Variants in CYP20A1 observed in about 807,000 individuals in gnomAD.
The protein encoded by CYP20A1 is cytochrome P450 family 20 subfamily A member 1, also known as cytochrome P450 20A1.
A neutral mutation model predicts 61.4 loss-of-function variants in CYP20A1; 61 were observed. That is an observed-to-expected ratio of 0.99 (90% CI 0.81 to 1.23). The LOEUF is 1.23. CYP20A1 is among the 50% of genes most tolerant of loss of function. The probability of loss-of-function intolerance (pLI) is 0.00; values close to 1 mark genes in which losing one functional copy is unlikely to be tolerated. For missense variants in CYP20A1, 530 were observed against 542.4 expected (o/e 0.98, Z 0.23); for synonymous variants, 193 against 188.2 (o/e 1.03, Z -0.21).
chr2:203,296,991 A>G lies in CYP20A1; in HGVS notation c.*83A>G. 1.3e-6 allele frequency: 1 copy of G among 784,012 alleles called. No individual in the cohort carries two copies. Among genetic ancestry groups the G allele is most frequent in the South Asian group, 2.0e-5 (1 of 49,768 alleles). The allele number at this position is 784,012 out of a possible 1,614,324, so 48.6% of individuals were successfully genotyped here. The stretch of plus-strand genomic sequence containing the variant: ...AAATCTATGTTGAATCCTTTTATAA[A>G]CCAGTATCACTTTGTAATATAAACA... On this transcript the variant is annotated 3_prime_UTR_variant, in exon 13 of 13. Transcript: ENST00000356079.
chr2:203,272,463 G>A (rs1052630431), intron 5 of CYP20A1, among the ~76,000 whole-genome samples: 3 of 149,706 alleles, frequency 2.0e-5, no homozygotes, highest in South Asian at 2.1e-4. Context: ...AATGGCTTGA[G>A]CCTGGGAGGT....
chr2:203,243,697 T>C (rs1327930211), intron 1 of CYP20A1, among the ~76,000 whole-genome samples: 1 of 145,978 alleles, frequency 6.9e-6, no homozygotes, highest in African/African-American at 2.5e-5. Flanking sequence ...TTTTTTTTTT[T>C]TTTTTTTTTT....
chr2:203,262,746 T>C (rs2067183777), intron 4 of CYP20A1, among the ~76,000 whole-genome samples: 1 of 151,672 alleles, frequency 6.6e-6, no homozygotes. Flanking sequence ...TGGAGTGCAC[T>C]GGCGCGATCT....
At chr2:203,255,600 A>G (rs2066864272) in intron 4 of CYP20A1, among the ~76,000 whole-genome samples, 1 of 152,224 alleles carries the variant, frequency 6.6e-6, no homozygotes. Flanking sequence ...TTCCATGAAC[A>G]GACCCTTTGG....
intron 1 of CYP20A1, among the ~76,000 whole-genome samples, chr2:203,242,809 G>A (rs1054674232): frequency 6.6e-6 from 1 of 151,440 alleles, no homozygotes; most frequent in Admixed American, 6.6e-5. Context: ...AAAAAGCTTA[G>A]GTTGCATGGT....
intron 4 of CYP20A1, among the ~76,000 whole-genome samples, chr2:203,261,007 G>A (rs1575198356): frequency 6.6e-6 from 1 of 150,976 alleles, no homozygotes; most frequent in Non-Finnish European, 1.5e-5. Context: ...GTTTCCAGAG[G>A]TCTTTATCTG....
At chr2:203,245,726 A>G in intron 1 of CYP20A1, 120 bp from the exon 2 acceptor site, 1 of 527,248 alleles carries the variant, frequency 1.9e-6, no homozygotes, top group South Asian at 3.5e-5. Flanking sequence ...TATGGAAATA[A>G]TTTCTTAGAT....
intron 8 of CYP20A1, among the ~76,000 whole-genome samples, chr2:203,280,849 T>G (rs2068015935): frequency 6.6e-6 from 1 of 152,220 alleles, no homozygotes; most frequent in Non-Finnish European, 1.5e-5. Flanking sequence ...TGCCATAAAT[T>G]TCTTGACACA....
rs992107455 is a variant in CYP20A1, at chr2:203,304,772, C to CA, written c.*7870dup. ...GCAACATGGCGAAACTGCATCTCTA[C>CA]AAAAAATACAAAAATTAGCCAGGTG... On this transcript the variant is annotated 3_prime_UTR_variant, in exon 13 of 13. Coordinates refer to ENST00000356079, the MANE Select transcript of CYP20A1 (RefSeq NM_177538.3). Among the ~76,000 whole-genome samples, 3 of 151,968 alleles carry CA rather than the reference C, an allele frequency of 2.0e-5. No individual in the cohort carries two copies. The highest frequency in any genetic ancestry group is 1.3e-4 in the Admixed American group (2 of 15,230).
At chr2:203,281,041 A>C (rs2068021891) in intron 8 of CYP20A1, among the ~76,000 whole-genome samples, 1 of 151,992 alleles carries the variant, frequency 6.6e-6, no homozygotes, top group South Asian at 2.1e-4. Context: ...ATTTAAAAGA[A>C]CTCCTCTCGT....
intron 6 of CYP20A1, among the ~76,000 whole-genome samples, chr2:203,275,181 A>G (rs2067763970): frequency 6.6e-6 from 1 of 152,200 alleles, no homozygotes; most frequent in Admixed American, 6.6e-5. Context: ...TATTTTTGTA[A>G]AGGCTCTCCA....
intron 11 of CYP20A1, among the ~76,000 whole-genome samples, chr2:203,294,520 CA>C (rs1331867923): frequency 6.6e-6 from 1 of 151,036 alleles, no homozygotes; most frequent in Non-Finnish European, 1.5e-5. Flanking sequence ...AACTCCATCT[CA>C]AAAAAATAAA....
chr2:203,272,602 C>G, intron 5 of CYP20A1, 68 bp from the exon 6 acceptor site: 1 of 524,724 alleles, frequency 1.9e-6, no homozygotes, highest in South Asian at 2.4e-5. Flanking sequence ...CATTAGGTTA[C>G]ATTGCTCTGT....
At chr2:203,261,239 G>T (rs1479332896) in intron 4 of CYP20A1, among the ~76,000 whole-genome samples, 2 of 151,378 alleles carry the variant, frequency 1.3e-5, no homozygotes, top group African/African-American at 4.9e-5. Context: ...TATAATAGGG[G>T]CTACTCTAAG....
At chr2:203,253,777 T>TA (rs1342657850) in intron 4 of CYP20A1, among the ~76,000 whole-genome samples, 2 of 151,830 alleles carry the variant, frequency 1.3e-5, no homozygotes, top group South Asian at 4.1e-4. Flanking sequence ...GGAGTAACAG[T>TA]AAAAAAATTT....
rs1266541657 is a variant in CYP20A1, at chr2:203,305,128, C to T, written c.*8220C>T. ...TTTTTTAAGACATTCAGGCTATAAACAAGGTAATAAATCACACTCTTCCAG... is the reference window on the plus strand; with the variant it reads ...TTTTTTAAGACATTCAGGCTATAAATAAGGTAATAAATCACACTCTTCCAG... On this transcript the variant is annotated 3_prime_UTR_variant, in exon 13 of 13. Coordinates refer to ENST00000356079, the MANE Select transcript of CYP20A1 (RefSeq NM_177538.3). Among the ~76,000 whole-genome samples, 2 of 148,066 alleles carry T rather than the reference C, an allele frequency of 1.4e-5. No homozygotes were observed. Among genetic ancestry groups the T allele is most frequent in the African/African-American group, 2.5e-5 (1 of 40,368 alleles).
At position 203,300,048 on chromosome 2, in the gene CYP20A1, G is replaced by C. The variant is rs553631318; in HGVS notation, c.*3140G>C. Among the ~76,000 whole-genome samples, 3 of 152,278 alleles carry C rather than the reference G, an allele frequency of 2.0e-5. No homozygotes were observed. The highest frequency in any genetic ancestry group is 7.2e-5 in the African/African-American group (3 of 41,574). On this transcript the variant is annotated 3_prime_UTR_variant, in exon 13 of 13. Transcript: ENST00000356079. The stretch of plus-strand genomic sequence containing the variant: ...CAATTGATATGTAAACCAAGTGTCA[G>C]ATCAGATGAGATGAAAGAGGTGGAG...
chr2:203,258,929 T>A (rs925003215), intron 4 of CYP20A1, among the ~76,000 whole-genome samples: 1 of 152,212 alleles, frequency 6.6e-6, no homozygotes, highest in African/African-American at 2.4e-5. Context: ...TATTTAATTG[T>A]GTATCCCCAG....
At chr2:203,294,941 A>AATTTTTT (rs2068718528) in intron 11 of CYP20A1, among the ~76,000 whole-genome samples, 2 of 45,434 alleles carry the variant, frequency 4.4e-5, no homozygotes, top group Admixed American at 3.6e-4. Flanking sequence ...CTTTAAAAAA[A>AATTTTTT]TTTTTTTTTT....
Sources: allele counts gnomAD v4.1 joint callset (sites outside exome capture counted in the v4.1 genomes callset), GRCh38; gene constraint gnomAD v4.1.1; transcripts MANE v1.5; gene names NCBI Gene and HGNC (gene_info 2026-07-23, HGNC 2026-07-21).